The following LCN8 variants were observed in gnomAD, a reference collection of about 807,000 sequenced individuals.
LCN8 encodes lipocalin 8, also known as epididymal-specific lipocalin-8.
In LCN8, 16 loss-of-function variants were observed where a neutral mutation model predicts 22.8. The observed-to-expected ratio is 0.70, with a 90% CI of 0.47 to 1.06. The LOEUF (loss-of-function observed/expected upper bound fraction) is 1.06. Ranked by LOEUF, LCN8 falls within the 50% of genes least tolerant of loss-of-function variation. The pLI is 0.00. For missense variants in LCN8, 189 were observed against 203.3 expected (o/e 0.93, Z 0.43); for synonymous variants, 92 against 83.4 (o/e 1.10, Z -0.56).
chr9:136,755,927 AGGGAACAGCATG>A (rs1411846653), intron 3 of LCN8: 2 of 1,295,958 alleles, frequency 1.5e-6, no homozygotes, highest in Non-Finnish European at 2.0e-6. Context: ...GGAGCATTGC[AGGGAACAGCATG>A]GGGAACAGTG....
At chr9:136,757,664 A>C (rs1588309922) in intron 1 of LCN8, 1 of 1,430,372 alleles carries the variant, frequency 7.0e-7, no homozygotes. Context: ...ACTTTTAAAA[A>C]CCCTACCATT....
intron 2 of LCN8, 46 bp downstream of exon 2, chr9:136,756,992 C>T (rs746955085): frequency 1.4e-5 from 23 of 1,597,638 alleles, no homozygotes; most frequent in South Asian, 6.7e-5. Flanking sequence ...GCCCAGTCCC[C>T]GGCCATGCAT....
At position 136,755,544 on chromosome 9, in the gene LCN8, G is replaced by T. The variant is rs764684779; in HGVS notation, c.227-28C>A. The T allele has an allele frequency of 6.0e-5, 96 of 1,599,656 alleles. 1 individual carries two copies. In the South Asian group the frequency reaches 9.2e-4, roughly 15 times the overall value. On this transcript the variant is annotated intron_variant, in intron 3 of 6. Transcript: ENST00000371688. ...TCAAGAGCCGGCCATGGCGTTGGGGGAGACGTCTGAGGGGGACGGACCTCG... is the reference window on the plus strand; with the variant it reads ...TCAAGAGCCGGCCATGGCGTTGGGGTAGACGTCTGAGGGGGACGGACCTCG...
In LCN8 at chr9:136,755,048, G is replaced by A. The variant is rs146101938; in HGVS notation, c.447+87C>T. On this transcript the variant is annotated intron_variant, in intron 6 of 6. Coordinates refer to ENST00000371688, the MANE Select transcript of LCN8 (RefSeq NM_178469.4). ...AAGGCCCAGCCCAGGGCCGGGAGGC[G>A]GAGCCACGGGGGCTCCTGACAGGGC... 931 of 1,445,046 alleles carry A rather than the reference G, an allele frequency of 6.4e-4. 8 individuals are homozygous for A. The African/African-American group carries it at 0.012, about 18-fold the overall frequency. The allele number at this position is 1,445,046 out of a possible 1,614,324, so 89.5% of individuals were successfully genotyped here.
At chr9:136,757,202 C>T in intron 1 of LCN8, 34 bp from the exon 2 acceptor site, 1 of 1,601,950 alleles carries the variant, frequency 6.2e-7, no homozygotes, top group Non-Finnish European at 8.5e-7. Context: ...AAGAGCTGAG[C>T]AGTGGGTCTG....
intron 1 of LCN8, 189 bp from the exon 2 acceptor site, chr9:136,757,357 C>A: frequency 1.4e-6 from 2 of 1,436,426 alleles, no homozygotes; most frequent in Non-Finnish European, 1.8e-6. Flanking sequence ...CAAGCGGTGC[C>A]TTCAGGCCAT....
chr9:136,757,830 C>G, intron 1 of LCN8, 77 bp downstream of exon 1: 1 of 1,612,126 alleles, frequency 6.2e-7, no homozygotes, highest in Non-Finnish European at 8.5e-7. Context: ...CTCCCCACAC[C>G]GGGAGAGGCC....
intron 1 of LCN8, 98 bp downstream of exon 1, chr9:136,757,809 G>GTCCCCACGAGC: frequency 1.2e-6 from 2 of 1,607,826 alleles, no homozygotes; most frequent in Non-Finnish European, 1.7e-6. Context: ...GGGCACCAGC[G>GTCCCCACGAGC]TCCCCACGAG....
chr9:136,757,844 T>C, intron 1 of LCN8, 63 bp downstream of exon 1: 1 of 1,612,930 alleles, frequency 6.2e-7, no homozygotes. Context: ...AGAGGCCTCC[T>C]TCCCTGAGCC....
rs1382326853 is a variant in LCN8 at position 136,758,052 on chromosome 9, A to G, written c.-122T>C. On this transcript the variant is annotated 5_prime_UTR_variant, in exon 1 of 7. Transcript: ENST00000371688. ...GCTGCACAGCCTGGGCCGATTCTATACGGACAGTGCAGGCTTGTGCGCCCA... is the reference window on the plus strand; with the variant it reads ...GCTGCACAGCCTGGGCCGATTCTATGCGGACAGTGCAGGCTTGTGCGCCCA... The G allele has an allele frequency of 6.5e-7, 1 of 1,541,398 alleles. No individual in the cohort carries two copies. Among genetic ancestry groups the G allele is most frequent in the Admixed American group, 2.0e-5 (1 of 51,126 alleles).
intron 1 of LCN8, 194 bp from the exon 2 acceptor site, chr9:136,757,362 G>T (rs1847233047): frequency 7.0e-7 from 1 of 1,435,132 alleles, no homozygotes; most frequent in Non-Finnish European, 9.1e-7. Context: ...GGTGCCTTCA[G>T]GCCATCAGAC....
rs61740585 is a variant in LCN8, at chr9:136,755,482, G to A, written c.261C>T (p.Tyr87=). ...HREIHVLDTD[Y]EGYAILRVSL... ...ACACCCGCAGGATGGCGTAGCCCTC[G>A]TAGTCGGTGTCCAGCACGTGGATCT... The change falls in exon 4 of 7, where the codon TAC becomes TAT. Residue 87 remains tyrosine, a synonymous_variant. Transcript: ENST00000371688. The A allele has an allele frequency of 0.014, 22,933 of 1,613,040 alleles. 216 individuals are homozygous for A. Among genetic ancestry groups the A allele is most frequent in the Non-Finnish European group, 0.018 (20,657 of 1,179,936 alleles).
In LCN8 at chr9:136,754,883, C is replaced by T. The variant is rs2282260; in HGVS notation, c.447+252G>A. On this transcript the variant is annotated intron_variant, in intron 6 of 6. Coordinates refer to ENST00000371688, the MANE Select transcript of LCN8 (RefSeq NM_178469.4). ...CCCCACCCAGCTCTGCACCCCGTGACCCCAGCCTCCCAGGGTCCCTGCCTG... is the reference window on the plus strand; with the variant it reads ...CCCCACCCAGCTCTGCACCCCGTGATCCCAGCCTCCCAGGGTCCCTGCCTG... 179 of 1,363,384 alleles carry T rather than the reference C, an allele frequency of 1.3e-4. No homozygotes were observed. The East Asian group carries it at 4.7e-3, about 36-fold the overall frequency. The allele number at this position is 1,363,384 out of a possible 1,614,324, so 84.5% of individuals were successfully genotyped here.
chr9:136,757,144 C>T lies in LCN8; in HGVS notation c.49G>A (p.Gly17Ser), dbSNP rs370373572. ...ACCAGGCTTTGATCGGAGGCCACAC[C>T]GACTTCCCTCCAGAATCCTCCAATC... ...QKIGGFWREV[G>S]VASDQSLVLT... The change falls in exon 2 of 7, where the codon GGT becomes AGT. Residue 17 changes from glycine to serine, a missense_variant. Coordinates refer to ENST00000371688, the MANE Select transcript of LCN8 (RefSeq NM_178469.4). 5.1e-5 allele frequency: 83 copies of T among 1,612,878 alleles called. No homozygotes were observed. Among genetic ancestry groups the T allele is most frequent in the Non-Finnish European group, 6.2e-5 (73 of 1,179,592 alleles).
intron 6 of LCN8, 51 bp from the exon 7 acceptor site, chr9:136,754,560 C>T: frequency 6.5e-7 from 1 of 1,543,050 alleles, no homozygotes; most frequent in Non-Finnish European, 8.7e-7. Context: ...CTGGAGGCCC[C>T]ACGGGGCTTC....
chr9:136,754,690 G>C (rs1382613573), intron 6 of LCN8, 181 bp from the exon 7 acceptor site: 27 of 1,418,864 alleles, frequency 1.9e-5, no homozygotes, highest in Non-Finnish European at 2.4e-5. Flanking sequence ...CTAGGGCCAA[G>C]ACAAAGCGAG....
intron 1 of LCN8, 175 bp from the exon 2 acceptor site, chr9:136,757,343 C>A (rs1259491049): frequency 5.5e-6 from 8 of 1,443,282 alleles, no homozygotes; most frequent in Non-Finnish European, 6.3e-6. Flanking sequence ...GGCATGTGTC[C>A]CTCCAAGCGG....
At chr9:136,758,385 C>G, upstream of LCN8, 1 of 1,010,022 alleles carries the variant, frequency 9.9e-7, no homozygotes, top group South Asian at 4.2e-5. Context: ...TGATGGGCAA[C>G]GGACCAGAGC....
Position 136,757,886 on chromosome 9 carries a change from C to A in LCN8, c.24+21G>T, listed in dbSNP as rs9411272. On this transcript the variant is annotated intron_variant, in intron 1 of 6. Coordinates refer to ENST00000371688, the MANE Select transcript of LCN8 (RefSeq NM_178469.4). ...GTTGGGGGTGTAGGAGGAGCCCCACCAACTAAGAAGGAGAAGCCACCTTCT... is the reference window on the plus strand; with the variant it reads ...GTTGGGGGTGTAGGAGGAGCCCCACAAACTAAGAAGGAGAAGCCACCTTCT... 1.2e-5 allele frequency: 20 copies of A among 1,613,498 alleles called. No homozygotes were observed. The East Asian group carries it at 2.2e-4, about 18-fold the overall frequency.
Sources: gnomAD v4.1 joint callset for allele counts on GRCh38, gnomAD v4.1.1 for gene constraint, MANE v1.5 for transcripts, NCBI Gene and HGNC (gene_info 2026-07-23, HGNC 2026-07-21) for gene names.